ZNF329: variants seen among roughly 807,000 people sequenced by gnomAD.
ZNF329 encodes the protein zinc finger protein 329.
Under a neutral mutation model 26.6 loss-of-function variants are expected in ZNF329, and 15 were observed. That is an observed-to-expected ratio of 0.56 (90% confidence interval 0.38 to 0.87). The LOEUF (loss-of-function observed/expected upper bound fraction) is 0.87. ZNF329 is among the 40% of genes least tolerant of loss of function. ZNF329 has a pLI of 0.00. For missense variants in ZNF329, 651 were observed against 651.9 expected (o/e 1.00, Z 0.02); for synonymous variants, 239 against 233.5 (o/e 1.02, Z -0.21).
chr19:58,139,316 A>G (rs538670479), intron 3 of ZNF329, among the ~76,000 whole-genome samples: 2 of 152,322 alleles, frequency 1.3e-5, no homozygotes, highest in East Asian at 3.9e-4. Flanking sequence ...TCAATAATAA[A>G]AAGACAAAAA....
upstream of ZNF329, chr19:58,154,704 CCCG>C (rs1276841701): frequency 6.6e-6 from 1 of 151,998 alleles, no homozygotes; most frequent in Non-Finnish European, 1.5e-5. Flanking sequence ...CACCCCCCCC[CCCG>C]CCCCAGGCGG....
chr19:58,154,631 C>A (rs544709194), upstream of ZNF329: 1 of 152,510 alleles, frequency 6.6e-6, no homozygotes, highest in South Asian at 2.1e-4. Context: ...GCAGCCCCTT[C>A]CTCGTCCTTT....
At chr19:58,135,724 A>C (rs2075049487) in intron 3 of ZNF329, among the ~76,000 whole-genome samples, 1 of 152,206 alleles carries the variant, frequency 6.6e-6, no homozygotes, top group African/African-American at 2.4e-5. Flanking sequence ...CACAAGTGGA[A>C]TATTTGCTAA....
intron 3 of ZNF329, among the ~76,000 whole-genome samples, chr19:58,130,269 G>A (rs543008608): frequency 6.6e-6 from 1 of 152,012 alleles, no homozygotes; most frequent in South Asian, 2.1e-4. Flanking sequence ...GTTGCAGTGA[G>A]CTGAGATCAC....
intron 1 of ZNF329, among the ~76,000 whole-genome samples, chr19:58,149,407 G>T (rs1047184353): frequency 6.6e-6 from 1 of 152,076 alleles, no homozygotes; most frequent in Non-Finnish European, 1.5e-5. Flanking sequence ...CCTCTGTTGG[G>T]TTATAGCTCG....
rs138883900 is a variant in ZNF329, at chr19:58,143,598, A to T, written c.-207-400T>A. 7.2e-5 allele frequency among the ~76,000 whole-genome samples: 11 copies of T among 152,274 alleles called. No individual in the cohort carries two copies. The East Asian group carries it at 2.1e-3, about 29-fold the overall frequency. On this transcript the variant is annotated intron_variant, in intron 1 of 3. Transcript: ENST00000598312. Reference sequence around the variant, plus strand: ...AAGGTACAGGAAGGACAGAGCCCCAAACAGACTTGGAGGCATTTAATAATT... The same window carrying T: ...AAGGTACAGGAAGGACAGAGCCCCATACAGACTTGGAGGCATTTAATAATT...
chr19:58,131,223 G>A (rs764832275), intron 3 of ZNF329, among the ~76,000 whole-genome samples: 1 of 151,938 alleles, frequency 6.6e-6, no homozygotes, highest in Non-Finnish European at 1.5e-5. Flanking sequence ...TCATAAGTGT[G>A]GCAGACTTTG....
At chr19:58,154,302 G>C (rs1017820853), upstream of ZNF329, among the ~76,000 whole-genome samples, 1 of 152,114 alleles carries the variant, frequency 6.6e-6, no homozygotes, top group Non-Finnish European at 1.5e-5. Context: ...AGCCACAGCT[G>C]TAACTTATTT....
chr19:58,144,882 A>C (rs368693926), intron 1 of ZNF329, among the ~76,000 whole-genome samples: 5,171 of 126,702 alleles, frequency 0.041, 344 homozygotes, highest in African/African-American at 0.14. Flanking sequence ...CAGAGTTTTG[A>C]TCTGTCACCC....
chr19:58,138,629 A>G (rs1185380977), intron 3 of ZNF329, among the ~76,000 whole-genome samples: 1 of 152,204 alleles, frequency 6.6e-6, no homozygotes, highest in African/African-American at 2.4e-5. Flanking sequence ...GTCTGTGGCC[A>G]TCCTGTGAAA....
intron 1 of ZNF329, among the ~76,000 whole-genome samples, chr19:58,145,537 G>A (rs911221139): frequency 6.6e-6 from 1 of 151,664 alleles, no homozygotes; most frequent in Non-Finnish European, 1.5e-5. Flanking sequence ...GGCCAGGCTG[G>A]TGTTGAACTC....
chr19:58,150,909 G>T (rs771381769), upstream of ZNF329: 1 of 152,416 alleles, frequency 6.6e-6, no homozygotes, highest in Non-Finnish European at 1.5e-5. Flanking sequence ...GACTTGCCTC[G>T]GGGCGGACGC....
intron 3 of ZNF329, among the ~76,000 whole-genome samples, chr19:58,131,891 C>T (rs1335922118): frequency 1.3e-5 from 2 of 151,638 alleles, no homozygotes; most frequent in Non-Finnish European, 2.9e-5. Flanking sequence ...GGCGTGGTGG[C>T]GGGCGCCTGT....
At chr19:58,151,759 A>G (rs184683685), upstream of ZNF329, among the ~76,000 whole-genome samples, 4 of 152,376 alleles carry the variant, frequency 2.6e-5, no homozygotes, top group Non-Finnish European at 5.9e-5. Context: ...ATACATAAGT[A>G]GTAAAGTAAC....
intron 1 of ZNF329, among the ~76,000 whole-genome samples, chr19:58,145,358 G>A (rs1600090741): frequency 8.1e-6 from 1 of 124,156 alleles, no homozygotes; most frequent in African/African-American, 3.3e-5. Context: ...GCCTCACTCT[G>A]TCACCCAGGC....
At chr19:58,137,330 G>A (rs1053663863) in intron 3 of ZNF329, among the ~76,000 whole-genome samples, 1 of 152,094 alleles carries the variant, frequency 6.6e-6, no homozygotes, top group African/African-American at 2.4e-5. Flanking sequence ...GAGGCAGGTG[G>A]ATCACCTGAG....
intron 1 of ZNF329, among the ~76,000 whole-genome samples, chr19:58,148,784 C>A (rs906039015): frequency 6.6e-6 from 1 of 152,140 alleles, no homozygotes. Flanking sequence ...TAACATACTT[C>A]CAGTAACTCA....
At chr19:58,147,102 T>A (rs1200359077) in intron 1 of ZNF329, among the ~76,000 whole-genome samples, 16 of 149,772 alleles carry the variant, frequency 1.1e-4, no homozygotes, top group Non-Finnish European at 2.4e-4. Context: ...ATCTAGGAAG[T>A]GAGGAGCGTC....
At chr19:58,139,857 A>G (rs1014206339) in intron 3 of ZNF329, among the ~76,000 whole-genome samples, 1 of 152,226 alleles carries the variant, frequency 6.6e-6, no homozygotes, top group African/African-American at 2.4e-5. Context: ...AGTATGTTCA[A>G]TATTTAAAAA....
Sources: gnomAD v4.1 joint callset for allele counts (sites outside exome capture counted in the v4.1 genomes callset) on GRCh38, gnomAD v4.1.1 for gene constraint, MANE v1.5 for transcripts, NCBI Gene and HGNC (gene_info 2026-07-23, HGNC 2026-07-21) for gene names.